TDRD12: variants seen among roughly 807,000 people sequenced by gnomAD.
TDRD12 encodes the protein tudor domain containing 12, also known as putative ATP-dependent RNA helicase TDRD12.
In TDRD12, 158 loss-of-function variants were observed where a neutral mutation model predicts 133.5. That is an observed-to-expected ratio of 1.18 (90% CI 1.04 to 1.35). The LOEUF is 1.35. Ranked by LOEUF, TDRD12 falls within the 40% of genes most tolerant of loss-of-function variation. The pLI is 0.00. For synonymous variants in TDRD12, 460 were observed against 477.9 expected, an observed-to-expected ratio of 0.96 and a Z score of 0.49; for missense variants, 1,443 against 1,321.3, an observed-to-expected ratio of 1.09 and a Z score of -1.43.
intron 26 of TDRD12, 150 bp downstream of exon 26, chr19:32,815,770 C>T (rs539439780): frequency 3.7e-5 from 26 of 708,390 alleles, no homozygotes; most frequent in East Asian, 3.4e-4. Flanking sequence ...CCAAGGTGGG[C>T]GGCTCACGAG....
chr19:32,763,737 G>A (rs187528276), intron 8 of TDRD12, among the ~76,000 whole-genome samples: 5 of 152,182 alleles, frequency 3.3e-5, no homozygotes, highest in South Asian at 4.1e-4. Flanking sequence ...TTTAACTAAC[G>A]GAGGTGTCCG....
chr19:32,785,315 G>C (rs552102858), intron 11 of TDRD12, among the ~76,000 whole-genome samples: 1 of 152,316 alleles, frequency 6.6e-6, no homozygotes, highest in African/African-American at 2.4e-5. Flanking sequence ...TTGCACTCTG[G>C]TCTGAGAGAC....
intron 8 of TDRD12, among the ~76,000 whole-genome samples, chr19:32,758,992 A>G (rs1970075193): frequency 1.3e-5 from 2 of 151,948 alleles, no homozygotes; most frequent in Non-Finnish European, 2.9e-5. Context: ...CTGTAATCCT[A>G]GCACTTTGGG....
intron 8 of TDRD12, among the ~76,000 whole-genome samples, chr19:32,761,453 C>T (rs1234119557): frequency 1.3e-5 from 2 of 151,984 alleles, no homozygotes; most frequent in Non-Finnish European, 2.9e-5. Context: ...TTTAGTCTTT[C>T]CTCTGGAACA....
At chr19:32,821,312 T>C (rs1036736700), downstream of TDRD12, 6 of 636,244 alleles carry the variant, frequency 9.4e-6, no homozygotes, top group Non-Finnish European at 1.6e-5. Context: ...TTTTTGTAGT[T>C]TGAGGTCTAA....
chr19:32,790,827 T>C, intron 12 of TDRD12, 137 bp from the exon 13 acceptor site: 6 of 1,454,100 alleles, frequency 4.1e-6, no homozygotes, highest in Non-Finnish European at 4.5e-6. Context: ...GTTTTTTTTT[T>C]CTTTTTTTTT....
intron 9 of TDRD12, 80 bp from the exon 10 acceptor site, chr19:32,773,376 C>T: frequency 8.3e-7 from 1 of 1,206,336 alleles, no homozygotes; most frequent in Admixed American, 2.0e-5. Flanking sequence ...GAATAACTCC[C>T]ATGGAATTTT....
intron 26 of TDRD12, among the ~76,000 whole-genome samples, chr19:32,817,187 A>C (rs1256661032): frequency 1.3e-5 from 2 of 152,238 alleles, no homozygotes; most frequent in Non-Finnish European, 2.9e-5. Context: ...AGTGGCATTT[A>C]GGACATTCTC....
intron 11 of TDRD12, among the ~76,000 whole-genome samples, chr19:32,781,970 C>CTT (rs1555772137): frequency 6.7e-6 from 1 of 148,948 alleles, no homozygotes; most frequent in Non-Finnish European, 1.5e-5. Flanking sequence ...ATATATTTTT[C>CTT]TTTTTTTTTT....
chr19:32,738,410 G>A (rs1293419845), intron 2 of TDRD12, among the ~76,000 whole-genome samples: 1 of 152,194 alleles, frequency 6.6e-6, no homozygotes, highest in Non-Finnish European at 1.5e-5. Context: ...GGTAGGCCCG[G>A]CCTCCTGGCA....
intron 1 of TDRD12, among the ~76,000 whole-genome samples, chr19:32,724,877 G>T (rs927409494): frequency 6.6e-6 from 1 of 152,122 alleles, no homozygotes. Flanking sequence ...CCAGCCATCT[G>T]TTGTTTCTTG....
chr19:32,723,697 G>T (rs1212402596), intron 1 of TDRD12, among the ~76,000 whole-genome samples: 1 of 150,596 alleles, frequency 6.6e-6, no homozygotes, highest in East Asian at 1.9e-4. Context: ...TGCTGGAATG[G>T]AGTTGTATTT....
In TDRD12 at chr19:32,762,513, G is replaced by T. The variant is rs539896402; in HGVS notation, c.865+5383G>T. Reference sequence around the variant, plus strand: ...ATTGACGCTAGAGAAGTTTTTGGGAGCTGGCAAGCTCTGATTGGTAGGTAA... The same window carrying T: ...ATTGACGCTAGAGAAGTTTTTGGGATCTGGCAAGCTCTGATTGGTAGGTAA... On this transcript the variant is annotated intron_variant, in intron 8 of 27. Coordinates refer to ENST00000444215, the Ensembl canonical transcript of TDRD12. 2.0e-5 allele frequency among the ~76,000 whole-genome samples: 3 copies of T among 152,266 alleles called. No homozygotes were observed. In the East Asian group the frequency reaches 5.8e-4, roughly 29 times the overall value.
At chr19:32,810,169 C>A in exon 23 of TDRD12, 1 of 1,535,574 alleles carries the variant, frequency 6.5e-7, no homozygotes, top group Non-Finnish European at 8.7e-7. Flanking sequence ...CTTTATGCAA[C>A]TCTCAATGCT....
At chr19:32,752,113 A>G (rs769729576) in intron 6 of TDRD12, among the ~76,000 whole-genome samples, 1 of 151,678 alleles carries the variant, frequency 6.6e-6, no homozygotes, top group African/African-American at 2.4e-5. Context: ...ACCTCAAGTG[A>G]TCTGCCTGTC....
Position 32,719,791 on chromosome 19 carries a change from G to A in TDRD12, c.-282G>A. The A allele has an allele frequency of 5.5e-6, 3 of 545,178 alleles. No individual in the cohort carries two copies. In the East Asian group the frequency reaches 9.5e-5, roughly 17 times the overall value. The allele number at this position is 545,178 out of a possible 1,614,324, so 33.8% of individuals were successfully genotyped here. A position where few individuals can be genotyped will look rare whatever the true frequency, so the allele number is the denominator to read the frequency against. On this transcript the variant is annotated 5_prime_UTR_variant, in exon 1 of 28. In the 5' UTR this introduces an upstream ATG that the reference lacks. Coordinates refer to ENST00000444215, the Ensembl canonical transcript of TDRD12. ...CCTGCTCAGCGTGCGCGGGCATCCG[G>A]TGGGTGCGGGAGGCCCGAGGCCAGG...
At chr19:32,734,364 CT>C (rs1350908879) in intron 2 of TDRD12, among the ~76,000 whole-genome samples, 1 of 150,362 alleles carries the variant, frequency 6.7e-6, no homozygotes, top group Non-Finnish European at 1.5e-5. Context: ...TCCTCCTTTT[CT>C]TTTCTTTTCT....
intron 21 of TDRD12, 101 bp downstream of exon 21, chr19:32,803,243 C>A: frequency 1.1e-6 from 1 of 918,182 alleles, no homozygotes; most frequent in Non-Finnish European, 1.6e-6. Context: ...GAAGCCACCA[C>A]CCACTCTGAG....
intron 8 of TDRD12, among the ~76,000 whole-genome samples, chr19:32,759,491 G>A (rs1220472642): frequency 2.0e-5 from 3 of 151,814 alleles, no homozygotes; most frequent in African/African-American, 7.3e-5. Context: ...GCTCACTGCA[G>A]CCTCAACCTC....
Sources: allele counts gnomAD v4.1 joint callset (sites outside exome capture counted in the v4.1 genomes callset), GRCh38; gene constraint gnomAD v4.1.1; transcripts MANE v1.5; gene names NCBI Gene and HGNC (gene_info 2026-07-23, HGNC 2026-07-21).